Variants in CCDC171 observed in about 807,000 individuals in gnomAD.
The protein encoded by CCDC171 is coiled-coil domain containing 171.
A neutral mutation model predicts 168.2 loss-of-function variants in CCDC171; 177 were observed. The observed-to-expected ratio is 1.05, with a 90% CI of 0.93 to 1.19. The LOEUF is 1.19. Ranked by LOEUF, CCDC171 falls within the 50% of genes most tolerant of loss-of-function variation. CCDC171 has a pLI of 0.00. For synonymous variants in CCDC171, 687 were observed against 540.8 expected (o/e 1.27, Z -3.75); for missense variants, 1,991 against 1,539.0 (o/e 1.29, Z -4.91).
intron 23 of CCDC171, among the ~76,000 whole-genome samples, chr9:15,854,131 G>A (rs79547557): frequency 0.022 from 3,358 of 150,438 alleles, 147 homozygotes; most frequent in African/African-American, 0.078. Flanking sequence ...TAGGTTAGGA[G>A]ATGCTCCCTT....
chr9:15,792,227 T>G (rs1042577734), intron 21 of CCDC171, among the ~76,000 whole-genome samples: 1 of 151,778 alleles, frequency 6.6e-6, no homozygotes, highest in African/African-American at 2.4e-5. Flanking sequence ...GTATCAGTGA[T>G]TGAAGATCAA....
chr9:15,589,740 A>G (rs2041846763), intron 4 of CCDC171, among the ~76,000 whole-genome samples: 4 of 152,240 alleles, frequency 2.6e-5, no homozygotes, highest in African/African-American at 9.6e-5. Flanking sequence ...GAAGGCAGAA[A>G]TGAAAAATGT....
chr9:15,789,803 C>G (rs1318960654), intron 21 of CCDC171, among the ~76,000 whole-genome samples: 1 of 145,280 alleles, frequency 6.9e-6, no homozygotes, highest in African/African-American at 2.5e-5. Flanking sequence ...TTCCTGTGTC[C>G]AAGTGTTCTC....
At chr9:15,609,011 C>A (rs1021125898) in intron 6 of CCDC171, among the ~76,000 whole-genome samples, 2 of 142,608 alleles carry the variant, frequency 1.4e-5, no homozygotes, top group Non-Finnish European at 3.0e-5. Context: ...AGTAACTAAC[C>A]CTTGGTTATG....
intron 21 of CCDC171, among the ~76,000 whole-genome samples, chr9:15,813,139 G>C (rs1210915066): frequency 6.6e-6 from 1 of 152,198 alleles, no homozygotes; most frequent in Non-Finnish European, 1.5e-5. Flanking sequence ...CTCCTTTGGG[G>C]CTTGCTAGAG....
At position 15,587,600 on chromosome 9, in the gene CCDC171, A is replaced by T. The variant is rs182899423; in HGVS notation, c.353-3766A>T. The T allele has an allele frequency of 8.8e-6, 4 of 456,464 alleles. No individual in the cohort carries two copies. The East Asian group carries it at 2.8e-4, about 32-fold the overall frequency. 28.3% of individuals were successfully genotyped at this position (456,464 alleles called of 1,614,324 possible). A position where few individuals can be genotyped will look rare whatever the true frequency, so the allele number is the denominator to read the frequency against. On this transcript the variant is annotated intron_variant, in intron 4 of 25. Transcript: ENST00000380701. Reference sequence around the variant, plus strand: ...CAGGAGGAAGAACCTAATGATACTGATGTTGGAGGTTTCCCAATAAATGAG... The same window carrying T: ...CAGGAGGAAGAACCTAATGATACTGTTGTTGGAGGTTTCCCAATAAATGAG...
chr9:15,898,877 T>C (rs1821260103), intron 24 of CCDC171, among the ~76,000 whole-genome samples: 1 of 152,172 alleles, frequency 6.6e-6, no homozygotes, highest in Admixed American at 6.5e-5. Context: ...CATTTTTTCA[T>C]GTGTATATTT....
chr9:15,602,647 CTTTTTTTTTTT>C (rs1161286304), intron 6 of CCDC171, among the ~76,000 whole-genome samples: 2 of 30,462 alleles, frequency 6.6e-5, no homozygotes, highest in African/African-American at 1.2e-4. Flanking sequence ...TTTTTTTTTT[CTTTTTTTTTTT>C]TTTTTTTTTT....
chr9:15,773,600 A>G (rs1486398449), intron 18 of CCDC171, among the ~76,000 whole-genome samples: 6 of 152,290 alleles, frequency 3.9e-5, no homozygotes, highest in African/African-American at 1.4e-4. Flanking sequence ...CAAGCCAAAC[A>G]TTTACAACAG....
chr9:16,081,848 ATTACT>A, the CCDC171 span, among the ~76,000 whole-genome samples: 1 of 150,894 alleles, frequency 6.6e-6, no homozygotes, highest in Non-Finnish European at 1.5e-5. Flanking sequence ...CTTCTTATTG[ATTACT>A]TTAAAAAAAA....
At chr9:15,632,046 A>G (rs1434233127) in intron 7 of CCDC171, among the ~76,000 whole-genome samples, 1 of 152,178 alleles carries the variant, frequency 6.6e-6, no homozygotes, top group East Asian at 1.9e-4. Flanking sequence ...TCTTTATGAC[A>G]AACCCACAGC....
intron 6 of CCDC171, among the ~76,000 whole-genome samples, chr9:15,602,049 C>T (rs1018972815): frequency 6.6e-6 from 1 of 152,116 alleles, no homozygotes; most frequent in Non-Finnish European, 1.5e-5. Context: ...GGAATATGCT[C>T]CCTAGTTACT....
chr9:15,978,708 A>G (rs895300300), downstream of CCDC171, among the ~76,000 whole-genome samples: 10 of 152,206 alleles, frequency 6.6e-5, no homozygotes, highest in African/African-American at 2.2e-4. Context: ...GAGCACATAC[A>G]TATATATTTT....
chr9:15,880,810 A>G (rs115337980), intron 24 of CCDC171, among the ~76,000 whole-genome samples: 1,760 of 152,182 alleles, frequency 0.012, 37 homozygotes, highest in African/African-American at 0.04. Context: ...GAAAAATATT[A>G]AATAATTTTT....
intron 1 of CCDC171, among the ~76,000 whole-genome samples, chr9:15,562,182 G>C (rs1180424385): frequency 6.6e-6 from 1 of 151,938 alleles, no homozygotes; most frequent in Non-Finnish European, 1.5e-5. Context: ...TTTTAGTAGA[G>C]TCGGGGTTTC....
chr9:15,598,808 A>T (rs1010762218), intron 6 of CCDC171, among the ~76,000 whole-genome samples: 2 of 152,086 alleles, frequency 1.3e-5, no homozygotes, highest in Non-Finnish European at 1.5e-5. Context: ...GTCTCTAAGG[A>T]CTTCCTTTAT....
rs184241327 is a variant in CCDC171 at position 15,810,346 on chromosome 9, C to T, written c.3267+25652C>T. Among the ~76,000 whole-genome samples the T allele has an allele frequency of 3.8e-3, 577 of 152,330 alleles. 5 individuals are homozygous for T. The highest frequency in any genetic ancestry group is 0.013 in the African/African-American group (545 of 41,574). On this transcript the variant is annotated intron_variant, in intron 21 of 25. Coordinates refer to ENST00000380701, the MANE Select transcript of CCDC171 (RefSeq NM_173550.4). ...CCCAGCTGGCTTTGCCTAGTGGATCCCATGCCAGGGCCACGGGCAGAGCTG... is the reference window on the plus strand; with the variant it reads ...CCCAGCTGGCTTTGCCTAGTGGATCTCATGCCAGGGCCACGGGCAGAGCTG...
At chr9:15,675,992 G>A (rs1321763839) in intron 9 of CCDC171, among the ~76,000 whole-genome samples, 2 of 152,078 alleles carry the variant, frequency 1.3e-5, no homozygotes, top group Admixed American at 6.6e-5. Flanking sequence ...CATTCTCCCC[G>A]TCACTTTCAG....
intron 7 of CCDC171, among the ~76,000 whole-genome samples, chr9:15,656,115 C>T (rs899249305): frequency 7.2e-5 from 11 of 152,008 alleles, no homozygotes; most frequent in Non-Finnish European, 1.2e-4. Context: ...GTCAGGAGAT[C>T]GAGACCATCC....
Sources: allele counts gnomAD v4.1 joint callset (sites outside exome capture counted in the v4.1 genomes callset), GRCh38; gene constraint gnomAD v4.1.1; transcripts MANE v1.5; gene names NCBI Gene and HGNC (gene_info 2026-07-23, HGNC 2026-07-21).